Variants in UNC13B observed in about 807,000 individuals in gnomAD.
UNC13B encodes protein unc-13 homolog B.
UNC13B carries 144 observed loss-of-function variants against 211.0 expected under a neutral mutation model. The ratio of observed to expected loss-of-function variants is 0.68; its 90% CI spans 0.60 to 0.78. UNC13B has a LOEUF of 0.78. UNC13B is among the 30% of genes least tolerant of loss of function. UNC13B has a pLI of 0.00. For synonymous variants in UNC13B, 709 were observed against 725.8 expected (o/e 0.98, Z 0.37); for missense variants, 1,777 against 2,002.0 (o/e 0.89, Z 2.14).
intron 24 of UNC13B, among the ~76,000 whole-genome samples, chr9:35,389,314 G>A (rs997828962): frequency 6.6e-6 from 1 of 152,078 alleles, no homozygotes; most frequent in African/African-American, 2.4e-5. Flanking sequence ...TAACTTCAGG[G>A]GATCAAGGGA....
chr9:35,233,720 G>T (rs1176107545), intron 3 of UNC13B, among the ~76,000 whole-genome samples: 1 of 152,062 alleles, frequency 6.6e-6, no homozygotes, highest in East Asian at 1.9e-4. Context: ...TTTAGGATTA[G>T]ATTGTTCATT....
chr9:35,308,941 G>A (rs564306496), intron 9 of UNC13B, among the ~76,000 whole-genome samples: 3 of 152,268 alleles, frequency 2.0e-5, no homozygotes, highest in South Asian at 4.1e-4. Context: ...GGGATAGTCT[G>A]TATTCCCATA....
Position 35,365,889 on chromosome 9 carries a change from A to G in UNC13B, c.9415-1058A>G, listed in dbSNP as rs1019780019. Among the ~76,000 whole-genome samples, 3 of 152,192 alleles carry G rather than the reference A, an allele frequency of 2.0e-5. No individual in the cohort carries two copies. In the South Asian group the frequency reaches 6.2e-4, roughly 32 times the overall value. On this transcript the variant is annotated intron_variant, in intron 11 of 39. Transcript: ENST00000635942. ...TTAAATCCAAAATTCATGTGAGCCT[A>G]TTGCTGACCCAGGTAATTCTCCCTC... is the stretch of plus-strand genomic sequence containing the variant.
chr9:35,338,300 A>G (rs1003571058), intron 11 of UNC13B, among the ~76,000 whole-genome samples: 2 of 152,158 alleles, frequency 1.3e-5, no homozygotes, highest in African/African-American at 4.8e-5. Context: ...ATGGTCCTTG[A>G]CCTGATTGTA....
chr9:35,239,278 A>T (rs1426842193), intron 5 of UNC13B, among the ~76,000 whole-genome samples: 1 of 152,028 alleles, frequency 6.6e-6, no homozygotes, highest in Non-Finnish European at 1.5e-5. Flanking sequence ...GGGAAAGAGT[A>T]CAAAAGAGGG....
intron 7 of UNC13B, among the ~76,000 whole-genome samples, chr9:35,286,192 TCAGA>T (rs1216452625): frequency 2.6e-5 from 4 of 151,394 alleles, no homozygotes; most frequent in African/African-American, 9.7e-5. Flanking sequence ...GAACCAGTTA[TCAGA>T]CAGACCAAGC....
chr9:35,344,535 C>CTA (rs1218586009), intron 11 of UNC13B, among the ~76,000 whole-genome samples: 1 of 152,108 alleles, frequency 6.6e-6, no homozygotes, highest in African/African-American at 2.4e-5. Context: ...ATGCCCTGTT[C>CTA]TAGGCACTGG....
intron 11 of UNC13B, chr9:35,341,767 C>A: frequency 5.3e-6 from 1 of 188,096 alleles, no homozygotes; most frequent in Non-Finnish European, 1.0e-5. Flanking sequence ...CGTGAGTGTG[C>A]TGGGAAGGGG....
chr9:35,367,526 G>A (rs536624394), intron 12 of UNC13B, among the ~76,000 whole-genome samples: 8 of 152,020 alleles, frequency 5.3e-5, no homozygotes, highest in East Asian at 3.9e-4. Context: ...CACTCTTTTC[G>A]TTATTTTAAA....
chr9:35,260,832 T>G (rs1827231907), intron 7 of UNC13B, among the ~76,000 whole-genome samples: 1 of 152,294 alleles, frequency 6.6e-6, no homozygotes, highest in East Asian at 1.9e-4. Context: ...TAAACCTTTT[T>G]CCACGACTGC....
rs1041720668 is a variant in UNC13B at position 35,303,609 on chromosome 9, T to G, written c.4205T>G (p.Phe1402Cys). 6 of 398,582 alleles carry G rather than the reference T, an allele frequency of 1.5e-5. No individual in the cohort carries two copies. Among genetic ancestry groups the G allele is most frequent in the Non-Finnish European group, 2.7e-5 (6 of 225,842 alleles). 24.7% of individuals were successfully genotyped at this position (398,582 alleles called of 1,614,324 possible). ...GACTCAGAAAACTCAGTGATAAATT[T>G]TTGCCAAAAAGATCAAAATGCAAAC... ...WLDSENSVIN[F>C]CQKDQNANIL... Residue 1402 changes from phenylalanine to cysteine, a missense_variant, in exon 9 of 40, where the codon TTT (phenylalanine) becomes TGT (cysteine). Physicochemically the swap from Phe to Cys is radical, Grantham distance 205. Transcript: ENST00000635942.
intron 7 of UNC13B, among the ~76,000 whole-genome samples, chr9:35,294,676 GA>G (rs1206585138): frequency 6.6e-6 from 1 of 152,148 alleles, no homozygotes; most frequent in African/African-American, 2.4e-5. Context: ...TTGGGATGGT[GA>G]ACATTCCTTT....
At chr9:35,380,386 G>C in intron 17 of UNC13B, 84 bp from the exon 18 acceptor site, 2 of 1,454,954 alleles carry the variant, frequency 1.4e-6, no homozygotes, top group South Asian at 2.6e-5. Flanking sequence ...TGCAGCTGTC[G>C]GAGCTTTTGG....
At chr9:35,351,225 C>T (rs1189328251) in intron 11 of UNC13B, 7 of 963,508 alleles carry the variant, frequency 7.3e-6, no homozygotes, top group African/African-American at 1.7e-5. Context: ...TCCTGCTTGA[C>T]AACTTGATTC....
At chr9:35,309,002 T>A (rs1165692054) in intron 9 of UNC13B, among the ~76,000 whole-genome samples, 2 of 152,188 alleles carry the variant, frequency 1.3e-5, no homozygotes, top group Non-Finnish European at 2.9e-5. Context: ...CATCTCTGCC[T>A]TTTACTACCC....
Position 35,390,693 on chromosome 9 carries a change from G to C in UNC13B, c.11287G>C (p.Asp3763His). 6.2e-7 allele frequency: 1 copy of C among 1,614,112 alleles called. No individual in the cohort carries two copies. The highest frequency in any genetic ancestry group is 8.5e-7 in the Non-Finnish European group (1 of 1,180,000). ...AGTGATGTGGCATTTGTTTGCCCAA[G>C]ACATGAAATATGCATTGGAGGGTAA... ...AEVMWHLFAQ[D>H]MKYALEEHEK... Residue 3763 changes from aspartate to histidine, a missense_variant, in exon 26 of 40, where the codon GAC becomes CAC. Physicochemically the swap from Asp to His is moderately conservative, Grantham distance 81. Coordinates refer to ENST00000635942, the MANE Select transcript of UNC13B (RefSeq NM_001371189.2).
chr9:35,393,962 G>A (rs1386522612), intron 26 of UNC13B, among the ~76,000 whole-genome samples: 1 of 152,188 alleles, frequency 6.6e-6, no homozygotes, highest in Non-Finnish European at 1.5e-5. Flanking sequence ...AGAAAGGCCA[G>A]TCGCTCTGTC....
At chr9:35,163,931 C>T (rs1191735888) in intron 1 of UNC13B, among the ~76,000 whole-genome samples, 1 of 152,124 alleles carries the variant, frequency 6.6e-6, no homozygotes, top group Non-Finnish European at 1.5e-5. Flanking sequence ...CAAACAGGTA[C>T]CTTATATGCA....
chr9:35,179,606 C>T (rs149978385), intron 1 of UNC13B, among the ~76,000 whole-genome samples: 16 of 152,130 alleles, frequency 1.1e-4, no homozygotes, highest in South Asian at 6.2e-4. Context: ...GCCTGGGCAA[C>T]GTGACAAAAC....
Sources: allele counts gnomAD v4.1 joint callset (sites outside exome capture counted in the v4.1 genomes callset), GRCh38; gene constraint gnomAD v4.1.1; transcripts MANE v1.5; gene names NCBI Gene and HGNC (gene_info 2026-07-23, HGNC 2026-07-21).